Variants in GATB observed in about 807,000 individuals in gnomAD.
GATB encodes glutamyl-tRNA amidotransferase subunit B, also known as glutamyl-tRNA(Gln) amidotransferase subunit B, mitochondrial.
Under a neutral mutation model 62.3 loss-of-function variants are expected in GATB, and 39 were observed. The observed-to-expected ratio is 0.63, with a 90% CI of 0.48 to 0.82. The LOEUF (loss-of-function observed/expected upper bound fraction) is 0.82, where lower values mean the gene tolerates loss of function less well. Ranked by LOEUF, GATB falls within the 40% of genes least tolerant of loss-of-function variation. The probability of loss-of-function intolerance (pLI) is 0.00; values close to 1 mark genes in which losing one functional copy is unlikely to be tolerated. For synonymous variants in GATB, 276 were observed against 258.9 expected (o/e 1.07, Z -0.63); for missense variants, 670 against 684.0 (o/e 0.98, Z 0.23).
At chr4:151,692,163 G>T (rs1255557906) in intron 9 of GATB, among the ~76,000 whole-genome samples, 1 of 152,172 alleles carries the variant, frequency 6.6e-6, no homozygotes, top group Non-Finnish European at 1.5e-5. Context: ...TGAGCTCAGC[G>T]CTCTCAGGAC....
chr4:151,716,347 A>T (rs1738912945), intron 4 of GATB: 1 of 498,270 alleles, frequency 2.0e-6, no homozygotes, highest in Non-Finnish European at 3.4e-6. Flanking sequence ...CAGTGGCATG[A>T]TCATAGCTCA....
At chr4:151,748,883 A>C (rs1372679993) in intron 2 of GATB, among the ~76,000 whole-genome samples, 6 of 152,268 alleles carry the variant, frequency 3.9e-5, no homozygotes, top group Non-Finnish European at 7.3e-5. Context: ...GAAGACATTT[A>C]TGCAGCCAAC....
At chr4:151,749,575 C>T (rs576829085) in intron 2 of GATB, among the ~76,000 whole-genome samples, 2 of 152,032 alleles carry the variant, frequency 1.3e-5, no homozygotes, top group Admixed American at 1.3e-4. Flanking sequence ...CAACATGGCA[C>T]ATGTATACAT....
At chr4:151,741,452 A>T (rs903796306) in intron 2 of GATB, among the ~76,000 whole-genome samples, 2 of 152,232 alleles carry the variant, frequency 1.3e-5, no homozygotes, top group Non-Finnish European at 2.9e-5. Flanking sequence ...ATCCATGTGC[A>T]TATTTTTGAG....
intron 2 of GATB, among the ~76,000 whole-genome samples, chr4:151,749,517 G>C (rs1739670483): frequency 6.6e-6 from 1 of 151,394 alleles, no homozygotes; most frequent in African/African-American, 2.4e-5. Flanking sequence ...TTGTGGGGTG[G>C]GGGTGGGGGA....
chr4:151,735,908 A>C lies in GATB; in HGVS notation c.328-16370T>G, dbSNP rs147055118. 4.7e-3 allele frequency among the ~76,000 whole-genome samples: 716 copies of C among 151,844 alleles called. 3 individuals are homozygous for C. Among genetic ancestry groups the C allele is most frequent in the African/African-American group, 0.016 (670 of 41,308 alleles). On this transcript the variant is annotated intron_variant, in intron 2 of 12. Transcript: ENST00000263985. ...GGGGGCAAGGGATAAAAGACAACAT[A>C]CATGGTGCAGTCTATACTGCTCGGG...
rs111709066 is a variant in GATB, at chr4:151,672,751, G to A, written c.1545+11C>T. On this transcript the variant is annotated intron_variant, in intron 12 of 12. Coordinates refer to ENST00000263985, the MANE Select transcript of GATB (RefSeq NM_004564.3). ...CTGGCTCTGGCCCTCTCCCCTGCCC[G>A]AGATAGTCACCACTTGAGGATGGGC... 282 of 1,613,462 alleles carry A rather than the reference G, an allele frequency of 1.7e-4. No homozygotes were observed. Among genetic ancestry groups the A allele is most frequent in the African/African-American group, 1.0e-3 (76 of 75,028 alleles).
At chr4:151,723,159 T>C (rs1042468838) in intron 2 of GATB, 16 of 152,326 alleles carry the variant, frequency 1.1e-4, no homozygotes, top group African/African-American at 3.1e-4. Flanking sequence ...CTTCAGAGGC[T>C]TCTTTTTGGC....
At chr4:151,757,054 T>C (rs1218009905) in intron 2 of GATB, among the ~76,000 whole-genome samples, 1 of 152,170 alleles carries the variant, frequency 6.6e-6, no homozygotes, top group Non-Finnish European at 1.5e-5. Context: ...TTGCCTTCCA[T>C]TTTACAATAA....
Position 151,760,822 on chromosome 4 carries a change from T to C in GATB, c.161A>G (p.Gln54Arg). 6.2e-7 allele frequency: 1 copy of C among 1,609,954 alleles called. No homozygotes were observed. Among genetic ancestry groups the C allele is most frequent in the South Asian group, 1.1e-5 (1 of 90,010 alleles). ...AACAGAATACCCTTTCCTCGTCTTC[T>C]GGGCCGTGTGGAGGGGCTGCTGAGC... ...SVAQQPLHTA[Q>R]KTRKGEHKWA... Residue 54 changes from glutamine (Q) to arginine (R), a missense_variant, in exon 1 of 13, where the codon CAG (glutamine) becomes CGG (arginine). Gln to Arg is a conservative substitution (Grantham distance 43). Transcript: ENST00000263985.
chr4:151,749,403 C>T (rs1475807225), intron 2 of GATB, among the ~76,000 whole-genome samples: 6 of 151,536 alleles, frequency 4.0e-5, no homozygotes, highest in East Asian at 2.0e-4. Context: ...AGCAAACTAT[C>T]GCAAGGACAG....
At chr4:151,716,511 T>C (rs11736495) in intron 4 of GATB, among the ~76,000 whole-genome samples, 1 of 152,136 alleles carries the variant, frequency 6.6e-6, no homozygotes, top group African/African-American at 2.4e-5. Flanking sequence ...CTGCGTACAG[T>C]GATCCTCCCA....
At chr4:151,714,246 T>C (rs1738872188) in intron 5 of GATB, among the ~76,000 whole-genome samples, 2 of 152,208 alleles carry the variant, frequency 1.3e-5, no homozygotes, top group African/African-American at 2.4e-5. Flanking sequence ...TAGGCTTCAT[T>C]CCACAGCACC....
chr4:151,683,596 G>A (rs964445476), intron 10 of GATB, among the ~76,000 whole-genome samples: 1 of 152,154 alleles, frequency 6.6e-6, no homozygotes, highest in Admixed American at 6.5e-5. Context: ...GAGAGGCCCC[G>A]TTCACACCTA....
intron 2 of GATB, among the ~76,000 whole-genome samples, chr4:151,739,861 G>T (rs1220004065): frequency 6.6e-6 from 1 of 152,186 alleles, no homozygotes; most frequent in Non-Finnish European, 1.5e-5. Context: ...GAAGCTTATA[G>T]TATAAATTAT....
chr4:151,743,848 A>G (rs2126994433), intron 2 of GATB, among the ~76,000 whole-genome samples: 1 of 152,386 alleles, frequency 6.6e-6, no homozygotes, highest in East Asian at 1.9e-4. Context: ...TTATATTTAC[A>G]AAAGTGATAA....
chr4:151,704,355 G>A (rs1177833212), intron 7 of GATB, among the ~76,000 whole-genome samples: 2 of 152,184 alleles, frequency 1.3e-5, no homozygotes, highest in African/African-American at 2.4e-5. Flanking sequence ...AAGCAGAGAA[G>A]GAAAGGGCCT....
chr4:151,730,903 G>A lies in GATB; in HGVS notation c.328-11365C>T, dbSNP rs1248337774. On this transcript the variant is annotated intron_variant, in intron 2 of 12. Coordinates refer to ENST00000263985, the MANE Select transcript of GATB (RefSeq NM_004564.3). This position sits in a 1 kb window ranked among gnomAD's most constrained non-coding sequence, Gnocchi z 4.1. ...CCCCCAAAATCACACTAGTTTACCA[G>A]CAATGAATCCAAATCAAGAAGAAAT... Among the ~76,000 whole-genome samples, 2 of 152,202 alleles carry A rather than the reference G, an allele frequency of 1.3e-5. No individual in the cohort carries two copies. The highest frequency in any genetic ancestry group is 2.9e-5 in the Non-Finnish European group (2 of 68,042).
intron 9 of GATB, among the ~76,000 whole-genome samples, chr4:151,695,494 T>G (rs1486159323): frequency 6.6e-6 from 1 of 152,132 alleles, no homozygotes; most frequent in African/African-American, 2.4e-5. Context: ...GGAACTAGCA[T>G]CCGGCACTGC....
Sources: allele counts gnomAD v4.1 joint callset (sites outside exome capture counted in the v4.1 genomes callset), GRCh38; gene constraint gnomAD v4.1.1; non-coding constraint Gnocchi (gnomAD v3.1); transcripts MANE v1.5; gene names NCBI Gene and HGNC (gene_info 2026-07-23, HGNC 2026-07-21).